Variants in TSPEAR observed in about 807,000 individuals in gnomAD.
TSPEAR encodes the protein thrombospondin-type laminin G domain and EAR repeat-containing protein.
In TSPEAR, 69 loss-of-function variants were observed where a neutral mutation model predicts 71.6. That is an observed-to-expected ratio of 0.96 (90% CI 0.79 to 1.18). The LOEUF (loss-of-function observed/expected upper bound fraction) is 1.18, where lower values mean the gene tolerates loss of function less well. Ranked by LOEUF, TSPEAR falls within the 50% of genes most tolerant of loss-of-function variation. The pLI is 0.00. For synonymous variants in TSPEAR, 402 were observed against 387.2 expected, an observed-to-expected ratio of 1.04 and a Z score of -0.45; for missense variants, 971 against 894.9, an observed-to-expected ratio of 1.09 and a Z score of -1.09.
In TSPEAR at chr21:44,692,009, C is replaced by T. The variant is rs575867057; in HGVS notation, c.82+19424G>A. Among the ~76,000 whole-genome samples, 43 of 152,212 alleles carry T rather than the reference C, an allele frequency of 2.8e-4. No homozygotes were observed. In the South Asian group the frequency reaches 7.7e-3, roughly 27 times the overall value. On this transcript the variant is annotated intron_variant, in intron 1 of 11. Transcript: ENST00000323084. Reference sequence around the variant, plus strand: ...ACAGCATATTAAAAGGATTATATACCATGACCAAGTTGGATTTATCCCAGG... The same window carrying T: ...ACAGCATATTAAAAGGATTATATACTATGACCAAGTTGGATTTATCCCAGG...
intron 1 of TSPEAR, among the ~76,000 whole-genome samples, chr21:44,648,409 A>G (rs115567882): frequency 0.02 from 2,989 of 152,282 alleles, 98 homozygotes; most frequent in African/African-American, 0.068. Context: ...GCTGAATTTA[A>G]ACCCACGTGG....
chr21:44,502,222 C>A (rs2052045710), intron 11 of TSPEAR, among the ~76,000 whole-genome samples: 1 of 152,210 alleles, frequency 6.6e-6, no homozygotes, highest in African/African-American at 2.4e-5. Context: ...AACGGCCATG[C>A]TCAGATGTGC....
intron 1 of TSPEAR, among the ~76,000 whole-genome samples, chr21:44,662,689 A>G (rs12106477): frequency 3.3e-5 from 5 of 152,236 alleles, no homozygotes; most frequent in African/African-American, 1.2e-4. Flanking sequence ...CACATGAAAC[A>G]TTCACCAAAA....
At position 44,499,627 on chromosome 21, in the gene TSPEAR, G is replaced by A. The variant is rs1033759127; in HGVS notation, c.*156C>T. The stretch of plus-strand genomic sequence containing the variant: ...CAGAGGTGGATGGATGTCCCTGCCC[G>A]AACCAGGGCCGCAGATGGCCCCACC... On this transcript the variant is annotated 3_prime_UTR_variant, in exon 12 of 12. Transcript: ENST00000323084. 4.2e-6 allele frequency: 3 copies of A among 718,304 alleles called. No homozygotes were observed. Among genetic ancestry groups the A allele is most frequent in the African/African-American group, 1.9e-5 (1 of 53,028 alleles). The allele number at this position is 718,304 out of a possible 1,614,324, so 44.5% of individuals were successfully genotyped here.
chr21:44,681,639 A>C, intron 1 of TSPEAR: 1 of 675,436 alleles, frequency 1.5e-6, no homozygotes. Context: ...GGGACCCCAG[A>C]CTTCCCTGGG....
chr21:44,584,825 T>A (rs1555925527), intron 1 of TSPEAR, among the ~76,000 whole-genome samples: 1 of 152,256 alleles, frequency 6.6e-6, no homozygotes, highest in Admixed American at 6.5e-5. Flanking sequence ...TTCCATATTT[T>A]CCTGGACATC....
At chr21:44,664,758 A>G (rs7275666) in intron 1 of TSPEAR, among the ~76,000 whole-genome samples, 108,891 of 152,140 alleles carry the variant, frequency 0.72, 39,427 homozygotes, top group African/African-American at 0.82. Flanking sequence ...ACCCAAGAGA[A>G]AGAAACAAAT....
At chr21:44,552,575 G>T (rs1427446706) in intron 2 of TSPEAR, among the ~76,000 whole-genome samples, 2 of 152,172 alleles carry the variant, frequency 1.3e-5, no homozygotes, top group Non-Finnish European at 2.9e-5. Context: ...ACCTTTCTCT[G>T]TTGTCCTACA....
chr21:44,601,575 GCCCGCCTGCTGCGTGCCCGTC>G (rs782018927), intron 1 of TSPEAR: 7 of 1,613,226 alleles, frequency 4.3e-6, no homozygotes. Flanking sequence ...CCGTGTGCAG[GCCCGCCTGCTGCGTGCCCGTC>G]CCCTCCTGCT....
intron 1 of TSPEAR, chr21:44,654,431 C>T: frequency 1.2e-6 from 2 of 1,614,138 alleles, no homozygotes; most frequent in Non-Finnish European, 1.7e-6. Context: ...GGGCTGGGCA[C>T]ACAGCAGGCT....
chr21:44,544,065 C>A (rs2053263343), intron 2 of TSPEAR, among the ~76,000 whole-genome samples: 1 of 152,146 alleles, frequency 6.6e-6, no homozygotes, highest in African/African-American at 2.4e-5. Flanking sequence ...CCAGTCCTGC[C>A]CATCAGATGT....
At position 44,546,778 on chromosome 21, in the gene TSPEAR, T is replaced by C. The variant is rs587700193; in HGVS notation, c.304-12855A>G. ...TTTCTGATGAGAAATTCGCTGTTAGTCTTCTGTCCAGCAGCTTTCTAGATT... is the reference window on the plus strand; with the variant it reads ...TTTCTGATGAGAAATTCGCTGTTAGCCTTCTGTCCAGCAGCTTTCTAGATT... On this transcript the variant is annotated intron_variant, in intron 2 of 11. Coordinates refer to ENST00000323084, the MANE Select transcript of TSPEAR (RefSeq NM_144991.3). The surrounding 1 kb of genome is among the most constrained non-coding windows in gnomAD (Gnocchi z 4.4). 6.6e-6 allele frequency among the ~76,000 whole-genome samples: 1 copy of C among 152,350 alleles called. No individual in the cohort carries two copies. Among genetic ancestry groups the C allele is most frequent in the South Asian group, 2.1e-4 (1 of 4,828 alleles).
chr21:44,558,631 G>C (rs200759941), intron 2 of TSPEAR: 39 of 1,612,732 alleles, frequency 2.4e-5, no homozygotes, highest in Non-Finnish European at 3.2e-5. Flanking sequence ...CAGCAGGGGG[G>C]CTCACAGCAG....
intron 1 of TSPEAR, among the ~76,000 whole-genome samples, chr21:44,585,099 G>C (rs587760648): frequency 6.6e-6 from 1 of 152,228 alleles, no homozygotes; most frequent in East Asian, 1.9e-4. Flanking sequence ...GAAAAGAGGG[G>C]GTCGTGCTCC....
intron 9 of TSPEAR, among the ~76,000 whole-genome samples, chr21:44,514,012 C>T (rs781935294): frequency 3.3e-5 from 5 of 152,224 alleles, no homozygotes; most frequent in Non-Finnish European, 5.9e-5. Flanking sequence ...CTTCCCGGCC[C>T]TGCAGAACCC....
chr21:44,666,753 C>T (rs1985794378), intron 1 of TSPEAR: 1 of 1,613,998 alleles, frequency 6.2e-7, no homozygotes, highest in Non-Finnish European at 8.5e-7. Context: ...CACGGGCACA[C>T]ACACGGAGGA....
chr21:44,540,197 T>C (rs1555917071), intron 2 of TSPEAR: 1 of 1,591,776 alleles, frequency 6.3e-7, no homozygotes, highest in Admixed American at 1.7e-5. Flanking sequence ...AGTGAGTGAG[T>C]GTGGGAGTCA....
intron 2 of TSPEAR, among the ~76,000 whole-genome samples, chr21:44,553,763 A>G (rs1555919421): frequency 6.6e-6 from 1 of 152,158 alleles, no homozygotes; most frequent in Non-Finnish European, 1.5e-5. Context: ...TAGAAGACCT[A>G]AGAACAGGCC....
chr21:44,557,392 C>T (rs993514089), intron 2 of TSPEAR, among the ~76,000 whole-genome samples: 4 of 151,984 alleles, frequency 2.6e-5, no homozygotes, highest in Non-Finnish European at 5.9e-5. Flanking sequence ...TTGGGATGAC[C>T]GTGCACAGAT....
Sources: allele counts gnomAD v4.1 joint callset (sites outside exome capture counted in the v4.1 genomes callset), GRCh38; gene constraint gnomAD v4.1.1; non-coding constraint Gnocchi (gnomAD v3.1); transcripts MANE v1.5; gene names NCBI Gene and HGNC (gene_info 2026-07-23, HGNC 2026-07-21).